The following ANKRD27 variants were observed in gnomAD, a reference collection of about 807,000 sequenced individuals.
ANKRD27 encodes ankyrin repeat domain 27.
ANKRD27 carries 112 observed loss-of-function variants against 129.7 expected under a neutral mutation model. That is an observed-to-expected ratio of 0.86 (90% CI 0.74 to 1.01). The LOEUF (loss-of-function observed/expected upper bound fraction) is 1.01. Ranked by LOEUF, ANKRD27 falls within the 50% of genes least tolerant of loss-of-function variation. The pLI is 0.00. For synonymous variants in ANKRD27, 516 were observed against 511.2 expected (o/e 1.01, Z -0.13); for missense variants, 1,258 against 1,300.5 (o/e 0.97, Z 0.50).
rs758502126 is a variant in ANKRD27, at chr19:32,598,253, G to A, written c.3045C>T (p.His1015=). 6.2e-7 allele frequency: 1 copy of A among 1,614,204 alleles called. No individual in the cohort carries two copies. Among genetic ancestry groups the A allele is most frequent in the South Asian group, 1.1e-5 (1 of 91,086 alleles). The change falls in exon 29 of 29, where the codon CAC becomes CAT. Residue 1015 remains histidine (H), a synonymous_variant. Coordinates refer to ENST00000306065, the MANE Select transcript of ANKRD27 (RefSeq NM_032139.3). The part of the protein sequence containing the change: ...RPGLTQTGPG[H]RRMLRRHTVE... ...CCGTGTGTCTCCGCAGCATCCGTCT[G>A]TGTCCAGGGCCAGTCTGTGTCAGTC...
At chr19:32,609,675 G>A (rs80010642) in intron 22 of ANKRD27, among the ~76,000 whole-genome samples, 1 of 140,574 alleles carries the variant, frequency 7.1e-6, no homozygotes, top group African/African-American at 2.5e-5. Context: ...GGTCATAGTG[G>A]GGGGGAAGGC....
At chr19:32,662,985 T>A (rs10405832) in intron 1 of ANKRD27, among the ~76,000 whole-genome samples, 15,463 of 152,116 alleles carry the variant, frequency 0.1, 2,476 homozygotes, top group African/African-American at 0.34. Flanking sequence ...GAGGTTGCAG[T>A]GAGCCGAGAT....
chr19:32,642,395 G>C (rs1359600259), intron 9 of ANKRD27, among the ~76,000 whole-genome samples: 1 of 152,134 alleles, frequency 6.6e-6, no homozygotes, highest in Non-Finnish European at 1.5e-5. Flanking sequence ...TTCCTAGAGG[G>C]AAACAACCCA....
At chr19:32,612,847 TAAAAA>T (rs1288149841) in intron 22 of ANKRD27, among the ~76,000 whole-genome samples, 1 of 151,738 alleles carries the variant, frequency 6.6e-6, no homozygotes, top group Non-Finnish European at 1.5e-5. Flanking sequence ...AATTATAACT[TAAAAA>T]AAACAGGAGA....
At chr19:32,658,614 A>C (rs1382291685) in intron 2 of ANKRD27, among the ~76,000 whole-genome samples, 3 of 152,182 alleles carry the variant, frequency 2.0e-5, no homozygotes, top group Non-Finnish European at 4.4e-5. Context: ...GCAAGAGAGA[A>C]ACGAGAGCAC....
chr19:32,608,970 G>A (rs528511722), intron 22 of ANKRD27, among the ~76,000 whole-genome samples: 2 of 152,218 alleles, frequency 1.3e-5, no homozygotes, highest in Admixed American at 6.5e-5. Flanking sequence ...CGGTTCAAGC[G>A]AATTCTCCTG....
chr19:32,640,525 G>T, intron 10 of ANKRD27, 140 bp from the exon 11 acceptor site: 2 of 709,938 alleles, frequency 2.8e-6, no homozygotes, highest in Non-Finnish European at 5.0e-6. Context: ...CATTGCACAA[G>T]CTCCTTTACA....
chr19:32,652,396 C>T (rs1967435170), intron 2 of ANKRD27, among the ~76,000 whole-genome samples: 1 of 151,674 alleles, frequency 6.6e-6, no homozygotes, highest in South Asian at 2.1e-4. Context: ...TTGAGACCAG[C>T]CTGGCCAATA....
intron 12 of ANKRD27, among the ~76,000 whole-genome samples, chr19:32,631,937 C>T (rs1193690298): frequency 1.3e-5 from 2 of 152,324 alleles, no homozygotes; most frequent in East Asian, 3.9e-4. Context: ...TCTCAATTTC[C>T]CACTGTCAAC....
chr19:32,615,894 A>C (rs1599740843), intron 21 of ANKRD27, 114 bp from the exon 22 acceptor site: 1 of 1,418,120 alleles, frequency 7.1e-7, no homozygotes, highest in East Asian at 2.3e-5. Context: ...TCCTTCTCCA[A>C]CCCCACAGCC....
intron 13 of ANKRD27, among the ~76,000 whole-genome samples, chr19:32,630,478 C>A (rs187221773): frequency 8.5e-5 from 13 of 152,240 alleles, no homozygotes; most frequent in Non-Finnish European, 1.9e-4. Context: ...ACGGGCTCCT[C>A]GAGCCCAGCG....
chr19:32,611,738 C>T (rs945283627), intron 22 of ANKRD27, among the ~76,000 whole-genome samples: 10 of 152,120 alleles, frequency 6.6e-5, no homozygotes, highest in Non-Finnish European at 1.3e-4. Context: ...TGCACCACCA[C>T]GGCCAGCTAA....
chr19:32,622,282 C>T (rs1599745361), intron 18 of ANKRD27, 140 bp downstream of exon 18: 1 of 866,094 alleles, frequency 1.2e-6, no homozygotes, highest in Non-Finnish European at 1.8e-6. Flanking sequence ...ATGATGACGT[C>T]CCACATGCGG....
rs780738379 is a variant in ANKRD27, at chr19:32,644,498, G to C, written c.371-19C>G. The C allele has an allele frequency of 6.2e-7, 1 of 1,609,396 alleles. No homozygotes were observed. Among genetic ancestry groups the C allele is most frequent in the Admixed American group, 1.7e-5 (1 of 59,964 alleles). On this transcript the variant is annotated intron_variant, in intron 4 of 28. Coordinates refer to ENST00000306065, the MANE Select transcript of ANKRD27 (RefSeq NM_032139.3). Reference sequence around the variant, plus strand: ...GGCTCTTCTGAAAAAGAAACAAACAGGTCAGGCCGGCTGAAGCCTCTGCTG... The same window carrying C: ...GGCTCTTCTGAAAAAGAAACAAACACGTCAGGCCGGCTGAAGCCTCTGCTG...
chr19:32,641,102 C>A (rs891912382), intron 10 of ANKRD27, among the ~76,000 whole-genome samples: 1 of 151,874 alleles, frequency 6.6e-6, no homozygotes, highest in African/African-American at 2.4e-5. Flanking sequence ...AGGGTTTCAC[C>A]GTGCTAGCCA....
chr19:32,642,770 C>A (rs2145300738), intron 9 of ANKRD27, among the ~76,000 whole-genome samples: 1 of 152,162 alleles, frequency 6.6e-6, no homozygotes, highest in East Asian at 1.9e-4. Flanking sequence ...TGAATTAACT[C>A]CTAAGTAGGT....
At chr19:32,630,539 T>C (rs1293919740) in intron 13 of ANKRD27, among the ~76,000 whole-genome samples, 4 of 152,224 alleles carry the variant, frequency 2.6e-5, no homozygotes, top group African/African-American at 9.6e-5. Flanking sequence ...TGAGCTGGCC[T>C]GGAGGAATTA....
chr19:32,615,853 C>T (rs1971909921), intron 21 of ANKRD27, 73 bp from the exon 22 acceptor site: 1 of 1,551,562 alleles, frequency 6.4e-7, no homozygotes, highest in African/African-American at 1.4e-5. Flanking sequence ...TAAACACACA[C>T]CATCAACCGT....
chr19:32,620,743 C>T (rs898624653), intron 18 of ANKRD27, among the ~76,000 whole-genome samples: 2 of 151,728 alleles, frequency 1.3e-5, no homozygotes, highest in Non-Finnish European at 1.5e-5. Context: ...AAAAATTAGC[C>T]GGGTGTGGTG....
Sources: allele counts gnomAD v4.1 joint callset (sites outside exome capture counted in the v4.1 genomes callset), GRCh38; gene constraint gnomAD v4.1.1; transcripts MANE v1.5; gene names NCBI Gene and HGNC (gene_info 2026-07-23, HGNC 2026-07-21).